The following SHISA6 variants were observed in gnomAD, a reference collection of about 807,000 sequenced individuals.
SHISA6 encodes the protein protein shisa-6.
In SHISA6, 22 loss-of-function variants were observed where a neutral mutation model predicts 47.9. The ratio of observed to expected loss-of-function variants is 0.46; its 90% CI spans 0.33 to 0.66. SHISA6 has a LOEUF of 0.66. Among genes scored for constraint, SHISA6 ranks in the 30% least tolerant of loss-of-function variants. The probability of loss-of-function intolerance (pLI) is 0.02; values close to 1 mark genes in which losing one functional copy is unlikely to be tolerated. For synonymous variants in SHISA6, 388 were observed against 337.8 expected, an observed-to-expected ratio of 1.15 and a Z score of -1.63; for missense variants, 680 against 764.6, an observed-to-expected ratio of 0.89 and a Z score of 1.30.
At chr17:11,422,763 CAAAAA>C (rs36035486) in intron 3 of SHISA6, among the ~76,000 whole-genome samples, 2 of 125,424 alleles carry the variant, frequency 1.6e-5, no homozygotes, top group Non-Finnish European at 1.7e-5. Flanking sequence ...GACTCTGTCT[CAAAAA>C]AAAAAAAAAA....
intron 2 of SHISA6, among the ~76,000 whole-genome samples, chr17:11,377,949 T>A (rs990462249): frequency 1.3e-5 from 2 of 152,256 alleles, no homozygotes; most frequent in African/African-American, 4.8e-5. Flanking sequence ...GCAGGTTTGT[T>A]ACATAGGTAA....
At chr17:11,528,050 T>G (rs2071700913) in intron 3 of SHISA6, among the ~76,000 whole-genome samples, 3 of 152,172 alleles carry the variant, frequency 2.0e-5, no homozygotes, top group African/African-American at 7.2e-5. Context: ...ACAATAAACT[T>G]TAAATGTTAT....
chr17:11,319,023 GGTTTTT>G (rs1293412168), intron 2 of SHISA6, among the ~76,000 whole-genome samples: 5 of 149,358 alleles, frequency 3.3e-5, no homozygotes, highest in Admixed American at 6.7e-5. Flanking sequence ...GCTCTTCATT[GGTTTTT>G]GTTTTTATTA....
chr17:11,271,263 G>T (rs992926608), intron 2 of SHISA6, among the ~76,000 whole-genome samples: 12 of 152,092 alleles, frequency 7.9e-5, no homozygotes, highest in African/African-American at 2.7e-4. Context: ...GTTCTCCTCA[G>T]CCATGACCTT....
intron 3 of SHISA6, among the ~76,000 whole-genome samples, chr17:11,520,757 A>G (rs571034253): frequency 4.7e-4 from 71 of 152,258 alleles, no homozygotes; most frequent in African/African-American, 1.5e-3. Context: ...ACCTCTGCAT[A>G]AATATCACTT....
chr17:11,389,938 C>T (rs1248265786), intron 3 of SHISA6, among the ~76,000 whole-genome samples: 1 of 152,178 alleles, frequency 6.6e-6, no homozygotes, highest in Admixed American at 6.5e-5. Context: ...TTCTCTATGC[C>T]AGCTTGGGTT....
chr17:11,375,363 A>G (rs140991644), intron 2 of SHISA6, among the ~76,000 whole-genome samples: 4 of 152,052 alleles, frequency 2.6e-5, no homozygotes, highest in Non-Finnish European at 5.9e-5. Flanking sequence ...CTGAGTACCC[A>G]GTGCCTTTCT....
At chr17:11,516,466 A>G (rs754390195) in intron 3 of SHISA6, among the ~76,000 whole-genome samples, 5 of 152,210 alleles carry the variant, frequency 3.3e-5, no homozygotes, top group Non-Finnish European at 7.3e-5. Context: ...ATTCCAAATG[A>G]ACATAACAGC....
At chr17:11,376,925 AC>A (rs1912821662) in intron 2 of SHISA6, among the ~76,000 whole-genome samples, 1 of 152,200 alleles carries the variant, frequency 6.6e-6, no homozygotes, top group South Asian at 2.1e-4. Context: ...AGTGTGGTGC[AC>A]GCTCAACTTT....
chr17:11,363,259 C>A (rs1033515969), intron 2 of SHISA6, among the ~76,000 whole-genome samples: 9 of 149,604 alleles, frequency 6.0e-5, no homozygotes, highest in Admixed American at 2.7e-4. Flanking sequence ...GGGGTCAACT[C>A]TCCTGGTGTC....
rs577226367 is a variant in SHISA6, at chr17:11,342,697, G to A, written c.800-36717G>A. Among the ~76,000 whole-genome samples the A allele has an allele frequency of 3.3e-5, 5 of 152,272 alleles. No individual in the cohort carries two copies. The South Asian group carries it at 8.3e-4, about 25-fold the overall frequency. On this transcript the variant is annotated intron_variant, in intron 2 of 5. Coordinates refer to ENST00000441885, the MANE Select transcript of SHISA6 (RefSeq NM_207386.4). ...TTGCATAGCAAGAGATATATTCACT[G>A]CACAAATATTTCTAGAAGGGTGATT...
At chr17:11,540,103 A>C (rs1216119112) in intron 3 of SHISA6, among the ~76,000 whole-genome samples, 1 of 152,172 alleles carries the variant, frequency 6.6e-6, no homozygotes, top group Admixed American at 6.5e-5. Flanking sequence ...CATTACATAG[A>C]AAACCATCTG....
At chr17:11,406,084 T>C (rs1476792901) in intron 3 of SHISA6, among the ~76,000 whole-genome samples, 2 of 152,214 alleles carry the variant, frequency 1.3e-5, no homozygotes, top group East Asian at 1.9e-4. Context: ...CTATTCCCTT[T>C]GCACAGAAAA....
chr17:11,241,908 G>C lies in SHISA6; in HGVS notation c.486G>C (p.Gly162=). Residue 162 remains glycine, a synonymous_variant, in exon 1 of 6, where the codon GGG becomes GGC. Coordinates refer to ENST00000441885, the MANE Select transcript of SHISA6 (RefSeq NM_207386.4). The surrounding 1 kb of genome is among the most constrained non-coding windows in gnomAD (Gnocchi z 5.5). ...CCAGCACCAAGGTGGTGTCGCCGGG[G>C]CCCGAGAACAAGTACGACCCGGAGA... The part of the protein sequence containing the change: ...QTPSTKVVSP[G]PENKYDPEKD... The C allele has an allele frequency of 6.4e-7, 1 of 1,551,026 alleles. No individual in the cohort carries two copies. Among genetic ancestry groups the C allele is most frequent in the Non-Finnish European group, 8.7e-7 (1 of 1,147,028 alleles).
At chr17:11,546,858 T>G (rs1303134767) in intron 3 of SHISA6, among the ~76,000 whole-genome samples, 1 of 151,932 alleles carries the variant, frequency 6.6e-6, no homozygotes, top group African/African-American at 2.4e-5. Flanking sequence ...GAGGCAGAGG[T>G]TGCAGTGAGC....
At chr17:11,373,814 G>C (rs1912703022) in intron 2 of SHISA6, among the ~76,000 whole-genome samples, 2 of 152,200 alleles carry the variant, frequency 1.3e-5, no homozygotes, top group African/African-American at 4.8e-5. Context: ...TGGCTGGGAA[G>C]ATAGATTCTT....
intron 2 of SHISA6, among the ~76,000 whole-genome samples, chr17:11,300,933 G>T (rs956605044): frequency 6.6e-6 from 1 of 151,416 alleles, no homozygotes; most frequent in Non-Finnish European, 1.5e-5. Flanking sequence ...TGTATGGGGT[G>T]GGGGGAGAGA....
chr17:11,256,769 G>A (rs556044784), intron 1 of SHISA6, among the ~76,000 whole-genome samples: 57 of 152,270 alleles, frequency 3.7e-4, no homozygotes, highest in African/African-American at 9.6e-4. Context: ...CATTTCTCAG[G>A]CCTGGGGGAA....
intron 3 of SHISA6, among the ~76,000 whole-genome samples, chr17:11,524,802 T>C (rs1274277798): frequency 6.6e-6 from 1 of 152,166 alleles, no homozygotes; most frequent in African/African-American, 2.4e-5. Flanking sequence ...CCCGGTCTAT[T>C]TCTCTATAAT....
Sources: gnomAD v4.1 joint callset for allele counts (sites outside exome capture counted in the v4.1 genomes callset) on GRCh38, gnomAD v4.1.1 for gene constraint, Gnocchi (gnomAD v3.1) non-coding constraint, MANE v1.5 for transcripts, NCBI Gene and HGNC (gene_info 2026-07-23, HGNC 2026-07-21) for gene names.